TASOR2: variants seen among roughly 807,000 people sequenced by gnomAD.
TASOR2 encodes transcription activation suppressor family member 2.
In TASOR2, 84 loss-of-function variants were observed where a neutral mutation model predicts 199.5. That is an observed-to-expected ratio of 0.42 (90% CI 0.35 to 0.50). The LOEUF (loss-of-function observed/expected upper bound fraction) is 0.50. TASOR2 is among the 20% of genes least tolerant of loss of function. The pLI, the probability that TASOR2 is intolerant of heterozygous loss-of-function variation, is 0.02. For missense variants in TASOR2, 2,796 were observed against 2,835.9 expected (o/e 0.99, Z 0.32); for synonymous variants, 1,103 against 1,046.6 (o/e 1.05, Z -1.04).
Position 5,730,449 on chromosome 10 carries a change from T to A in TASOR2, c.488-38T>A. 7.0e-7 allele frequency: 1 copy of A among 1,419,046 alleles called. No homozygotes were observed. The highest frequency in any genetic ancestry group is 1.4e-5 in the African/African-American group (1 of 70,296). 87.9% of individuals were successfully genotyped at this position (1,419,046 alleles called of 1,614,324 possible). A position where few individuals can be genotyped will look rare whatever the true frequency, so the allele number is the denominator to read the frequency against. Reference sequence around the variant, plus strand: ...TCCAGAATGTTTTGTTTTTAAAAAATAAACTTCAGATGTTTAATACGTGTG... The same window carrying A: ...TCCAGAATGTTTTGTTTTTAAAAAAAAAACTTCAGATGTTTAATACGTGTG... On this transcript the variant is annotated intron_variant, in intron 10 of 20. Coordinates refer to ENST00000328090, the Ensembl canonical transcript of TASOR2. This position sits in a 1 kb window ranked among gnomAD's most constrained non-coding sequence, Gnocchi z 4.1.
Position 5,720,647 on chromosome 10 carries a change from C to A in TASOR2, c.5C>A (p.Ala2Glu). The A allele has an allele frequency of 6.2e-7, 1 of 1,614,062 alleles. No individual in the cohort carries two copies. The highest frequency in any genetic ancestry group is 1.1e-5 in the South Asian group (1 of 91,080). The change falls in exon 4 of 21, where the codon GCA becomes GAA. Residue 2 changes from alanine to glutamate, a missense_variant. By Grantham distance (107) the Ala-to-Glu change is moderately radical (BLOSUM62 -1). Transcript: ENST00000328090. The surrounding 1 kb of genome is among the most constrained non-coding windows in gnomAD (Gnocchi z 5.3). ...CGATACAGGGAATCTAAAACTATGG[C>A]ACCACCAGCTCATAAAAGCATGTAA...
In TASOR2 at chr10:5,687,080, A is replaced by G. The variant is rs1835890570; in HGVS notation, c.-288+1905A>G. On this transcript the variant is annotated intron_variant, in intron 1 of 20. Transcript: ENST00000328090. The surrounding 1 kb of genome is among the most constrained non-coding windows in gnomAD (Gnocchi z 4.8). ...GAATATGTACATCTCCCTTTTCTTT[A>G]AAAATTTTTTATTGTGAAATATGTC... 6.6e-6 allele frequency among the ~76,000 whole-genome samples: 1 copy of G among 152,208 alleles called. No individual in the cohort carries two copies. Among genetic ancestry groups the G allele is most frequent in the Non-Finnish European group, 1.5e-5 (1 of 68,038 alleles).
intron 1 of TASOR2, chr10:5,712,155 C>T (rs1832003593): frequency 3.8e-6 from 1 of 261,142 alleles, no homozygotes; most frequent in Non-Finnish European, 7.1e-6. Context: ...AAAAGACATA[C>T]CAGGTCTGGC....
At chr10:5,745,467 A>G (rs1426575042) in intron 14 of TASOR2, among the ~76,000 whole-genome samples, 1 of 152,230 alleles carries the variant, frequency 6.6e-6, no homozygotes, top group East Asian at 1.9e-4. Context: ...GATGTTAAAA[A>G]TGTTATTTGC....
rs1838608855 is a variant in TASOR2, at chr10:5,754,696, CT to C, written c.6607-1916del. 6.6e-6 allele frequency among the ~76,000 whole-genome samples: 1 copy of C among 152,068 alleles called. No homozygotes were observed. Among genetic ancestry groups the C allele is most frequent in the Non-Finnish European group, 1.5e-5 (1 of 68,022 alleles). Reference sequence around the variant, plus strand: ...CATAATATTTTATCACGTGGTGTCACTGTTTACAACAGAAAATAACAAATGT... The same window carrying C: ...CATAATATTTTATCACGTGGTGTCACGTTTACAACAGAAAATAACAAATGT... On this transcript the variant is annotated intron_variant, in intron 15 of 20. Coordinates refer to ENST00000328090, the Ensembl canonical transcript of TASOR2. The surrounding 1 kb of genome is among the most constrained non-coding windows in gnomAD (Gnocchi z 4.3).
intron 11 of TASOR2, among the ~76,000 whole-genome samples, chr10:5,732,832 C>A (rs1365839881): frequency 6.6e-6 from 1 of 152,198 alleles, no homozygotes; most frequent in East Asian, 1.9e-4. Flanking sequence ...GCCACTGTAC[C>A]CAACCTTGGT....
chr10:5,720,240 T>C lies in TASOR2; in HGVS notation c.-99-304T>C. 1.0e-6 allele frequency: 1 copy of C among 984,774 alleles called. No homozygotes were observed. Among genetic ancestry groups the C allele is most frequent in the Non-Finnish European group, 1.2e-6 (1 of 829,332 alleles). The allele number at this position is 984,774 out of a possible 1,614,324, so 61.0% of individuals were successfully genotyped here. A position where few individuals can be genotyped will look rare whatever the true frequency, so the allele number is the denominator to read the frequency against. On this transcript the variant is annotated intron_variant, in intron 3 of 20. Transcript: ENST00000328090. This position sits in a 1 kb window ranked among gnomAD's most constrained non-coding sequence, Gnocchi z 5.3. ...TTGCTATTCGAAGGCATCTGATTAG[T>C]TTTAATATTTTCATTCTAGGGAAAA...
At chr10:5,761,550 A>G in intron 19 of TASOR2, 79 bp downstream of exon 20, 1 of 1,275,470 alleles carries the variant, frequency 7.8e-7, no homozygotes, top group Non-Finnish European at 1.1e-6. Context: ...TACCTGATGA[A>G]GAGTATCAGG....
Position 5,690,832 on chromosome 10 carries a change from G to C in TASOR2, c.-288+5657G>C, listed in dbSNP as rs1836333510. 6.6e-6 allele frequency among the ~76,000 whole-genome samples: 1 copy of C among 152,130 alleles called. No individual in the cohort carries two copies. Among genetic ancestry groups the C allele is most frequent in the Admixed American group, 6.5e-5 (1 of 15,274 alleles). On this transcript the variant is annotated intron_variant, in intron 1 of 20. Transcript: ENST00000328090. The surrounding 1 kb of genome is among the most constrained non-coding windows in gnomAD (Gnocchi z 4.8). ...CAGTTGATGAGGAGCCAGAACAATG[G>C]TCATTACTGTATAGAGATGTTTTAA...
chr10:5,703,503 A>ATTTTTTTTTTTTTT (rs371366460), intron 1 of TASOR2, among the ~76,000 whole-genome samples: 1 of 110,260 alleles, frequency 9.1e-6, no homozygotes, highest in Non-Finnish European at 1.7e-5. Context: ...GGTTTTTCTG[A>ATTTTTTTTTTTTTT]TTTTTTTTTT....
rs201255154 is a variant in TASOR2 at position 5,748,600 on chromosome 10, C to T, written c.5179C>T (p.Arg1727Cys). 23 of 1,613,766 alleles carry T rather than the reference C, an allele frequency of 1.4e-5. No individual in the cohort carries two copies. The highest frequency in any genetic ancestry group is 6.7e-5 in the East Asian group (3 of 44,902). Residue 1727 changes from arginine to cysteine, a missense_variant, in exon 15 of 21, where the codon CGC (arginine) becomes TGC (cysteine). Arg to Cys is a radical substitution (Grantham distance 180). Around this residue, in one of 3 missense-constraint regions of TASOR2, gnomAD observed 1,941 missense variants for 1,924.9 expected, o/e 1.01. Coordinates refer to ENST00000328090, the Ensembl canonical transcript of TASOR2. The surrounding 1 kb of genome is among the most constrained non-coding windows in gnomAD (Gnocchi z 5.1). ...CACCACATCTTCTCTAAAAGGTGAA[C>T]GCAAAGCCATCCACACGCTGCAAGA...
chr10:5,723,578 G>T, intron 6 of TASOR2, 99 bp from the exon 8 acceptor site: 4 of 625,110 alleles, frequency 6.4e-6, no homozygotes, highest in Non-Finnish European at 7.9e-6. Flanking sequence ...CTTTTTTGTG[G>T]TTATATTTTT....
chr10:5,730,625 A>G lies in TASOR2; in HGVS notation c.626A>G (p.His209Arg), dbSNP rs1198309396. The change falls in exon 11 of 21, where the codon CAT becomes CGT. Residue 209 changes from histidine (H) to arginine (R), a missense_variant. Physicochemically the swap from His to Arg is conservative, Grantham distance 29. Transcript: ENST00000328090. The surrounding 1 kb of genome is among the most constrained non-coding windows in gnomAD (Gnocchi z 4.1). ...CATCCAAACACATTAGTAAAGCGTC[A>G]TTTCCAAGAATTGTACAAGGCGGAC... 1 of 1,614,222 alleles carries G rather than the reference A, an allele frequency of 6.2e-7. No homozygotes were observed. The highest frequency in any genetic ancestry group is 1.3e-5 in the African/African-American group (1 of 75,062).
chr10:5,734,570 C>T (rs1256545882), intron 11 of TASOR2, among the ~76,000 whole-genome samples: 1 of 152,106 alleles, frequency 6.6e-6, no homozygotes, highest in East Asian at 1.9e-4. Flanking sequence ...CTATACAACT[C>T]TTCTCTGCAG....
At position 5,740,026 on chromosome 10, in the gene TASOR2, G is replaced by T. The variant is rs770885435; in HGVS notation, c.1856G>T (p.Ser619Ile). 12 of 1,613,984 alleles carry T rather than the reference G, an allele frequency of 7.4e-6. No homozygotes were observed. The highest frequency in any genetic ancestry group is 1.0e-5 in the Non-Finnish European group (12 of 1,180,062). ...TTAACAGTTAGCCAAGATGAAGAAA[G>T]CTTGGTTCCTTGTAGTCAGGCCCCT... The change falls in exon 13 of 21, where the codon AGC becomes ATC. Residue 619 changes from serine to isoleucine, a missense_variant. Coordinates refer to ENST00000328090, the Ensembl canonical transcript of TASOR2. This position sits in a 1 kb window ranked among gnomAD's most constrained non-coding sequence, Gnocchi z 5.3.
Position 5,750,013 on chromosome 10 carries a change from T to G in TASOR2, c.6592T>G (p.Phe2198Val), listed in dbSNP as rs189397135. The G allele has an allele frequency of 6.3e-5, 100 of 1,598,356 alleles. No individual in the cohort carries two copies. The East Asian group carries it at 2.0e-3, about 32-fold the overall frequency. ...TGTCGAAACAGAAGACAAATCATTC[T>G]TTGTAAGAACAAAGGTAAAGTGCCA... The change falls in exon 15 of 21, where the codon TTT becomes GTT. Residue 2198 changes from phenylalanine to valine, a missense_variant. Transcript: ENST00000328090. The surrounding 1 kb of genome is among the most constrained non-coding windows in gnomAD (Gnocchi z 5.4).
chr10:5,694,872 AT>A (rs1195414983), intron 1 of TASOR2, among the ~76,000 whole-genome samples: 1 of 152,150 alleles, frequency 6.6e-6, no homozygotes, highest in African/African-American at 2.4e-5. Flanking sequence ...GTATGGTTAA[AT>A]TTATGGATTT....
chr10:5,718,384 C>A, intron 3 of TASOR2, among the ~76,000 whole-genome samples: 1 of 89,878 alleles, frequency 1.1e-5, no homozygotes, highest in Non-Finnish European at 2.4e-5. Flanking sequence ...CACTAAATGA[C>A]CTTTAATTAA....
rs897321229 is a variant in TASOR2, at chr10:5,685,276, G to T, written c.-288+101G>T. 2.5e-6 allele frequency: 1 copy of T among 397,020 alleles called. No homozygotes were observed. The highest frequency in any genetic ancestry group is 4.4e-6 in the Non-Finnish European group (1 of 225,142). 24.6% of individuals were successfully genotyped at this position (397,020 alleles called of 1,614,324 possible). On this transcript the variant is annotated intron_variant, in intron 1 of 20. Transcript: ENST00000328090. The surrounding 1 kb of genome is among the most constrained non-coding windows in gnomAD (Gnocchi z 5.4). ...CAGCTGCCGGGGCTTGGCTGCGAGG[G>T]TCGACGCGTTCTCCTTGCCTTTTGC...
Sources: allele counts gnomAD v4.1 joint callset (sites outside exome capture counted in the v4.1 genomes callset), GRCh38; gene constraint gnomAD v4.1.1; regional missense constraint gnomAD v4.1.1; non-coding constraint Gnocchi (gnomAD v3.1); transcripts MANE v1.5; gene names NCBI Gene and HGNC (gene_info 2026-07-23, HGNC 2026-07-21).